Variants in PDE1C observed in about 807,000 individuals in gnomAD.
The protein encoded by PDE1C is dual specificity calcium/calmodulin-dependent 3',5'-cyclic nucleotide phosphodiesterase 1C.
A neutral mutation model predicts 93.1 loss-of-function variants in PDE1C; 62 were observed. That is an observed-to-expected ratio of 0.67 (90% confidence interval 0.54 to 0.82). The LOEUF is 0.82. PDE1C is among the 40% of genes least tolerant of loss of function. The pLI is 0.00. For synonymous variants in PDE1C, 325 were observed against 310.1 expected (o/e 1.05, Z -0.50); for missense variants, 742 against 884.6 (o/e 0.84, Z 2.04).
intron 2 of PDE1C, among the ~76,000 whole-genome samples, chr7:31,986,442 G>T (rs1220805425): frequency 6.6e-6 from 1 of 152,134 alleles, no homozygotes; most frequent in Non-Finnish European, 1.5e-5. Context: ...CTGAGGTTCT[G>T]GGTTGATATG....
At chr7:32,082,838 C>G (rs1239127245) in intron 3 of PDE1C, among the ~76,000 whole-genome samples, 2 of 151,868 alleles carry the variant, frequency 1.3e-5, no homozygotes, top group African/African-American at 4.8e-5. Flanking sequence ...ACATCCACAC[C>G]AAAAACCCAT....
At chr7:31,656,293 T>C in the PDE1C span, 1 of 180,430 alleles carries the variant, frequency 5.5e-6, no homozygotes, top group Non-Finnish European at 1.1e-5. Context: ...CCTTTCTTTA[T>C]CATGTGTGAC....
rs577847930 is a variant in PDE1C, at chr7:31,888,270, A to G, written c.129-7410T>C. ...GTCTCAAAAAAAAAAAAAAAAAAAAAAAAGAAAAGGAGAAGTCTAAAAATA... is the reference window on the plus strand; with the variant it reads ...GTCTCAAAAAAAAAAAAAAAAAAAAGAAAGAAAAGGAGAAGTCTAAAAATA... On this transcript the variant is annotated intron_variant, in intron 2 of 17. Transcript: ENST00000396191. 1.3e-3 allele frequency among the ~76,000 whole-genome samples: 192 copies of G among 149,752 alleles called. 1 individual carries two copies. Among genetic ancestry groups the G allele is most frequent in the African/African-American group, 4.4e-3 (179 of 40,868 alleles).
chr7:31,998,210 A>G (rs56797614), intron 2 of PDE1C, among the ~76,000 whole-genome samples: 7,584 of 151,888 alleles, frequency 0.05, 293 homozygotes, highest in African/African-American at 0.11. Flanking sequence ...TAGTAGAGAC[A>G]GGGTTTCACC....
At chr7:32,048,259 C>T (rs1201545495) in intron 2 of PDE1C, among the ~76,000 whole-genome samples, 1 of 152,158 alleles carries the variant, frequency 6.6e-6, no homozygotes, top group African/African-American at 2.4e-5. Context: ...GAGATTTAGT[C>T]TATGGTCCAT....
intron 3 of PDE1C, chr7:32,078,155 T>A: frequency 2.7e-6 from 1 of 363,732 alleles, no homozygotes; most frequent in Non-Finnish European, 3.8e-6. Flanking sequence ...CCTATCACTG[T>A]AAAGCAAATT....
intron 3 of PDE1C, among the ~76,000 whole-genome samples, chr7:32,157,547 C>CA (rs61288364): frequency 1 from 151,704 of 152,276 alleles, 75,571 homozygotes; most frequent in Middle Eastern, 1. Context: ...GTGGAGCCAG[C>CA]CAAAAAATAT....
At chr7:32,077,194 T>C (rs7801221) in intron 3 of PDE1C, among the ~76,000 whole-genome samples, 10,893 of 151,956 alleles carry the variant, frequency 0.072, 417 homozygotes, top group African/African-American at 0.085. Flanking sequence ...GAGCCGAGAT[T>C]ATGCCACTGC....
intron 1 of PDE1C, among the ~76,000 whole-genome samples, chr7:32,408,721 G>A (rs1002665466): frequency 3.9e-5 from 6 of 152,026 alleles, no homozygotes; most frequent in Admixed American, 1.3e-4. Context: ...CCCAGGAGGC[G>A]AAGGTTGCAG....
the PDE1C span, among the ~76,000 whole-genome samples, chr7:31,671,341 T>C: frequency 6.6e-6 from 1 of 152,212 alleles, no homozygotes; most frequent in Non-Finnish European, 1.5e-5. Flanking sequence ...CTCCTGCACC[T>C]GCTCATCTAT....
intron 3 of PDE1C, among the ~76,000 whole-genome samples, chr7:32,111,800 T>A (rs893731250): frequency 2.0e-5 from 3 of 152,166 alleles, no homozygotes; most frequent in Non-Finnish European, 2.9e-5. Context: ...TAACTCACAC[T>A]GTCTTAAAGA....
At chr7:31,860,744 T>C (rs1419330310) in intron 7 of PDE1C, among the ~76,000 whole-genome samples, 3 of 152,200 alleles carry the variant, frequency 2.0e-5, no homozygotes, top group African/African-American at 7.2e-5. Flanking sequence ...TGTATAACTT[T>C]TGTGTTTAAA....
chr7:32,103,248 T>C (rs1219872774), intron 3 of PDE1C, among the ~76,000 whole-genome samples: 1 of 152,202 alleles, frequency 6.6e-6, no homozygotes, highest in East Asian at 1.9e-4. Context: ...AAAATATGGC[T>C]ATTCTACCAG....
chr7:32,259,680 C>T (rs1477663231), intron 1 of PDE1C, among the ~76,000 whole-genome samples: 10 of 152,140 alleles, frequency 6.6e-5, no homozygotes, highest in Admixed American at 6.5e-4. Flanking sequence ...TTGTTCTCCT[C>T]ATCCAGCCCC....
chr7:31,930,421 C>G (rs551833465), intron 2 of PDE1C, among the ~76,000 whole-genome samples: 232 of 152,292 alleles, frequency 1.5e-3, no homozygotes, highest in Non-Finnish European at 2.3e-3. Context: ...AGGCCAGCAT[C>G]ATCCTGATAC....
At chr7:32,082,720 G>A (rs7808526) in intron 3 of PDE1C, among the ~76,000 whole-genome samples, 4 of 152,084 alleles carry the variant, frequency 2.6e-5, no homozygotes, top group African/African-American at 4.8e-5. Context: ...TGCAGCCACC[G>A]CTACTGATAC....
At chr7:31,636,422 TGTTTG>T in the PDE1C span, among the ~76,000 whole-genome samples, 1 of 152,164 alleles carries the variant, frequency 6.6e-6, no homozygotes, top group Admixed American at 6.5e-5. Flanking sequence ...GCTTCGAGAT[TGTTTG>T]AAAAGTTGAA....
the PDE1C span, among the ~76,000 whole-genome samples, chr7:31,630,244 C>CAAAA: frequency 7.1e-3 from 733 of 103,578 alleles, 20 homozygotes; most frequent in African/African-American, 0.016. Flanking sequence ...GTCTACTTGG[C>CAAAA]AAAAAAAAAA....
chr7:32,362,214 C>T (rs539654799), intron 1 of PDE1C, among the ~76,000 whole-genome samples: 6 of 151,966 alleles, frequency 3.9e-5, no homozygotes, highest in Non-Finnish European at 5.9e-5. Context: ...GCCTCAGAGG[C>T]GTGTGTGCAT....
Sources: allele counts gnomAD v4.1 joint callset (sites outside exome capture counted in the v4.1 genomes callset), GRCh38; gene constraint gnomAD v4.1.1; transcripts MANE v1.5; gene names NCBI Gene and HGNC (gene_info 2026-07-23, HGNC 2026-07-21).